KANSL3: variants seen among roughly 807,000 people sequenced by gnomAD.
The protein encoded by KANSL3 is NSL complex protein NSL3.
Under a neutral mutation model 89.2 loss-of-function variants are expected in KANSL3, and 16 were observed. The observed-to-expected ratio is 0.18, with a 90% CI of 0.12 to 0.27. The LOEUF is 0.27. Among genes scored for constraint, KANSL3 ranks in the 10% least tolerant of loss-of-function variants. The probability of loss-of-function intolerance (pLI) is 1.00; values close to 1 mark genes in which losing one functional copy is unlikely to be tolerated. For synonymous variants in KANSL3, 385 were observed against 419.7 expected (o/e 0.92, Z 1.01); for missense variants, 879 against 1,110.6 (o/e 0.79, Z 2.96).
chr2:96,629,360 G>A (rs2106108406), intron 3 of KANSL3, among the ~76,000 whole-genome samples: 1 of 151,950 alleles, frequency 6.6e-6, no homozygotes, highest in Non-Finnish European at 1.5e-5. Flanking sequence ...TTCACTCTTG[G>A]TGCCCAGACT....
In KANSL3 at chr2:96,631,403, C is replaced by T. The variant is rs779343378; in HGVS notation, c.295G>A (p.Val99Met). Residue 99 changes from valine (V) to methionine (M), a missense_variant, in exon 3 of 21, where the codon GTG (valine) becomes ATG (methionine). This residue lies in a region of KANSL3 where 210 missense variants were observed against 311.9 expected (regional missense o/e 0.67). Coordinates refer to ENST00000431828, the MANE Select transcript of KANSL3 (RefSeq NM_001115016.3). Reference sequence around the variant, plus strand: ...ACATGCCGTTCACACTCATTCATCACGCTGCGTGCCTTCTGATTGTCATAG... The same window carrying T: ...ACATGCCGTTCACACTCATTCATCATGCTGCGTGCCTTCTGATTGTCATAG... ...PLYDNQKARS[V>M]MNECERHVIF... is the part of the protein sequence containing the mutation. The T allele has an allele frequency of 1.1e-5, 18 of 1,606,546 alleles. No homozygotes were observed. The highest frequency in any genetic ancestry group is 2.2e-5 in the South Asian group (2 of 89,494).
At chr2:96,634,448 A>G (rs1219147454) in intron 2 of KANSL3, among the ~76,000 whole-genome samples, 1 of 151,966 alleles carries the variant, frequency 6.6e-6, no homozygotes, top group East Asian at 1.9e-4. Context: ...CCCAGGAGGC[A>G]GAGGTTGCAG....
At chr2:96,583,820 A>G in the KANSL3 span, among the ~76,000 whole-genome samples, 3 of 152,242 alleles carry the variant, frequency 2.0e-5, no homozygotes, top group Non-Finnish European at 2.9e-5. Flanking sequence ...GTGGTTTACT[A>G]TAATAGACTA....
At chr2:96,619,104 CAAGGCTAGG>C (rs2070764119) in intron 5 of KANSL3, among the ~76,000 whole-genome samples, 1 of 152,316 alleles carries the variant, frequency 6.6e-6, no homozygotes, top group South Asian at 2.1e-4. Flanking sequence ...CCACAAGCTG[CAAGGCTAGG>C]AAGGCTAAAT....
Position 96,619,503 on chromosome 2 carries a change from C to T in KANSL3, c.519G>A (p.Lys173=), listed in dbSNP as rs2070842282. 1.2e-6 allele frequency: 2 copies of T among 1,613,956 alleles called. No individual in the cohort carries two copies. The highest frequency in any genetic ancestry group is 1.7e-6 in the Non-Finnish European group (2 of 1,179,912). Residue 173 remains lysine, a synonymous_variant, in exon 5 of 21, where the codon AAG becomes AAA. Coordinates refer to ENST00000431828, the MANE Select transcript of KANSL3 (RefSeq NM_001115016.3). ...GAGCCTGCCGCACTCTCCTTGCACA[C>T]TTGTCCACAGCAACACGGCGCAGCA... ...EPVLRRVAVD[K]CARRVRQALA... is the part of the protein sequence containing the mutation.
intron 3 of KANSL3, among the ~76,000 whole-genome samples, chr2:96,627,540 A>C (rs2072580954): frequency 6.6e-6 from 1 of 152,176 alleles, no homozygotes; most frequent in Non-Finnish European, 1.5e-5. Context: ...ATCTGAAGAC[A>C]GTTTCTACTG....
At chr2:96,598,193 C>T in intron 20 of KANSL3, 15 of 908,298 alleles carry the variant, frequency 1.7e-5, no homozygotes, top group Non-Finnish European at 2.0e-5. Context: ...TTGTAGGTCA[C>T]TTCTATCAAC....
At chr2:96,608,239 A>G (rs1018987517) in intron 14 of KANSL3, among the ~76,000 whole-genome samples, 5 of 152,184 alleles carry the variant, frequency 3.3e-5, no homozygotes, top group Non-Finnish European at 7.3e-5. Context: ...GGTAGAAAAA[A>G]GTTTAGGCCA....
At chr2:96,589,922 G>A (rs1186733975), downstream of KANSL3, among the ~76,000 whole-genome samples, 1 of 151,882 alleles carries the variant, frequency 6.6e-6, no homozygotes, top group Non-Finnish European at 1.5e-5. Flanking sequence ...GCTGAGGCGG[G>A]TGGATTACCT....
In KANSL3 at chr2:96,612,509, G is replaced by C; in HGVS notation, c.967C>G (p.Gln323Glu). The change falls in exon 8 of 21, where the codon CAG becomes GAG. Residue 323 changes from glutamine (Q) to glutamate (E), a missense_variant. Coordinates refer to ENST00000431828, the MANE Select transcript of KANSL3 (RefSeq NM_001115016.3). ...GCCCCAATCATATGCTCGAGACACT[G>C]TAGAACTCCTACCCCACTGCCATTG... ...LNNGSGVGVL[Q>E]CLEHMIGAVR... 6.2e-7 allele frequency: 1 copy of C among 1,613,958 alleles called. No individual in the cohort carries two copies. The highest frequency in any genetic ancestry group is 1.1e-5 in the South Asian group (1 of 91,086).
At chr2:96,585,953 G>A in the KANSL3 span, among the ~76,000 whole-genome samples, 2 of 152,146 alleles carry the variant, frequency 1.3e-5, no homozygotes, top group Non-Finnish European at 2.9e-5. Flanking sequence ...TGGGCTGGGC[G>A]CGGTGGCTCA....
chr2:96,592,280 A>T (rs1202038706), downstream of KANSL3, among the ~76,000 whole-genome samples: 1 of 152,190 alleles, frequency 6.6e-6, no homozygotes, highest in Admixed American at 6.5e-5. Flanking sequence ...CCTGGAATTT[A>T]GGGGTTAGAA....
At chr2:96,604,700 T>G in intron 16 of KANSL3, 79 bp downstream of exon 16, 1 of 1,277,912 alleles carries the variant, frequency 7.8e-7, no homozygotes, top group Non-Finnish European at 1.1e-6. Context: ...GAATCCATCA[T>G]TTTCCAAAGC....
chr2:96,608,868 G>A lies in KANSL3; in HGVS notation c.1580C>T (p.Ser527Leu). The change falls in exon 13 of 21, where the codon TCA becomes TTA. Residue 527 changes from serine (S) to leucine (L), a missense_variant. Coordinates refer to ENST00000431828, the MANE Select transcript of KANSL3 (RefSeq NM_001115016.3). The stretch of plus-strand genomic sequence containing the variant: ...CTCCCTCCCTGCTCACACTACCTCT[G>A]AGCCTGAGGGTGAGGCGGGCAGCTT... Reference protein sequence around the residue: ...AAKLPASPSGSEDLSSVSSSP... With the variant: ...AAKLPASPSGLEDLSSVSSSP... The A allele has an allele frequency of 6.3e-7, 1 of 1,577,728 alleles. No homozygotes were observed. The highest frequency in any genetic ancestry group is 8.6e-7 in the Non-Finnish European group (1 of 1,161,776).
chr2:96,595,897 T>C (rs1329582204), intron 20 of KANSL3, among the ~76,000 whole-genome samples: 2 of 152,148 alleles, frequency 1.3e-5, no homozygotes, highest in African/African-American at 4.8e-5. Flanking sequence ...CTGTAAGAGG[T>C]AGATGACAGC....
rs1042959891 is a variant in KANSL3, at chr2:96,605,840, G to A, written c.1742-329C>T. 19 of 182,642 alleles carry A rather than the reference G, an allele frequency of 1.0e-4. No homozygotes were observed. In the Admixed American group the frequency reaches 1.0e-3, roughly 10 times the overall value. 11.3% of individuals were successfully genotyped at this position (182,642 alleles called of 1,614,324 possible). ...TGACCCTGCCTAGCCAAGGCCAATG[G>A]CAACAACAACAAAAATAGAGGATTC... On this transcript the variant is annotated intron_variant, in intron 14 of 20. Transcript: ENST00000431828.
intron 8 of KANSL3, 27 bp downstream of exon 8, chr2:96,612,435 A>C (rs2069175854): frequency 6.2e-7 from 1 of 1,606,640 alleles, no homozygotes; most frequent in Admixed American, 1.7e-5. Flanking sequence ...GGTATGCCAC[A>C]ATGTACTGAA....
In KANSL3 at chr2:96,613,335, C is replaced by T. The variant is rs141133330; in HGVS notation, c.795+153G>A. Reference sequence around the variant, plus strand: ...GCAGTAAGCTGAGATCGTGCCACTGCACTCTAGCCTGGGTAACAGAGCAAG... The same window carrying T: ...GCAGTAAGCTGAGATCGTGCCACTGTACTCTAGCCTGGGTAACAGAGCAAG... On this transcript the variant is annotated intron_variant, in intron 6 of 20. Coordinates refer to ENST00000431828, the MANE Select transcript of KANSL3 (RefSeq NM_001115016.3). Among the ~76,000 whole-genome samples, 3 of 152,284 alleles carry T rather than the reference C, an allele frequency of 2.0e-5. No homozygotes were observed. In the East Asian group the frequency reaches 5.8e-4, roughly 29 times the overall value.
chr2:96,626,705 A>G (rs1268661792), intron 3 of KANSL3, among the ~76,000 whole-genome samples: 3 of 152,032 alleles, frequency 2.0e-5, no homozygotes, highest in Non-Finnish European at 4.4e-5. Context: ...ATCTGGAGGG[A>G]AAAAAAAGCT....
Sources: allele counts gnomAD v4.1 joint callset (sites outside exome capture counted in the v4.1 genomes callset), GRCh38; gene constraint gnomAD v4.1.1; regional missense constraint gnomAD v4.1.1; transcripts MANE v1.5; gene names NCBI Gene and HGNC (gene_info 2026-07-23, HGNC 2026-07-21).